MACROD2: variants seen among roughly 807,000 people sequenced by gnomAD.
MACROD2 encodes the protein mono-ADP ribosylhydrolase 2.
Under a neutral mutation model 70.4 loss-of-function variants are expected in MACROD2, and 36 were observed. That is an observed-to-expected ratio of 0.51 (90% CI 0.39 to 0.68). The LOEUF is 0.68. Ranked by LOEUF, MACROD2 falls within the 30% of genes least tolerant of loss-of-function variation. The probability of loss-of-function intolerance (pLI) is 0.00; values close to 1 mark genes in which losing one functional copy is unlikely to be tolerated. For synonymous variants in MACROD2, 172 were observed against 178.8 expected, an observed-to-expected ratio of 0.96 and a Z score of 0.30; for missense variants, 496 against 538.4, an observed-to-expected ratio of 0.92 and a Z score of 0.78.
chr20:14,078,446 C>T (rs966091303), intron 2 of MACROD2, among the ~76,000 whole-genome samples: 1 of 151,432 alleles, frequency 6.6e-6, no homozygotes, highest in Non-Finnish European at 1.5e-5. Flanking sequence ...CGCTCTTATC[C>T]CCCAGGCTGG....
intron 8 of MACROD2, among the ~76,000 whole-genome samples, chr20:15,536,330 T>A (rs534301183): frequency 6.6e-6 from 1 of 152,292 alleles, no homozygotes; most frequent in East Asian, 1.9e-4. Context: ...TTGGCACAAA[T>A]GAAGAGACCG....
At chr20:14,221,145 CACA>C (rs1336863688) in intron 3 of MACROD2, among the ~76,000 whole-genome samples, 1 of 152,176 alleles carries the variant, frequency 6.6e-6, no homozygotes, top group Non-Finnish European at 1.5e-5. Context: ...GCTGCCAAGC[CACA>C]ACAGTAACTT....
chr20:14,019,359 C>T (rs2053038266), intron 2 of MACROD2, among the ~76,000 whole-genome samples: 2 of 152,258 alleles, frequency 1.3e-5, no homozygotes, highest in African/African-American at 4.8e-5. Context: ...GCAACCTCTG[C>T]CTCCTGGGTT....
chr20:14,716,770 T>G (rs1459755643), intron 5 of MACROD2, among the ~76,000 whole-genome samples: 1 of 152,056 alleles, frequency 6.6e-6, no homozygotes, highest in African/African-American at 2.4e-5. Context: ...GATGAGGCAG[T>G]GTGTGAGGCT....
intron 8 of MACROD2, among the ~76,000 whole-genome samples, chr20:15,837,476 G>A (rs771303144): frequency 7.2e-5 from 11 of 152,056 alleles, no homozygotes; most frequent in African/African-American, 9.7e-5. Context: ...AGAACCCCTC[G>A]AGGGCTCTAC....
At chr20:15,730,268 G>C (rs1264437649) in intron 8 of MACROD2, among the ~76,000 whole-genome samples, 1 of 152,174 alleles carries the variant, frequency 6.6e-6, no homozygotes, top group African/African-American at 2.4e-5. Context: ...ATGCAGACTT[G>C]ATTGTATGGT....
chr20:14,490,103 C>G (rs2084778460), intron 3 of MACROD2, among the ~76,000 whole-genome samples: 2 of 152,012 alleles, frequency 1.3e-5, no homozygotes, highest in South Asian at 2.1e-4. Flanking sequence ...GCTAATTATT[C>G]CAGGAAAGGG....
chr20:14,913,767 C>A (rs895549578), intron 5 of MACROD2, among the ~76,000 whole-genome samples: 2 of 152,120 alleles, frequency 1.3e-5, no homozygotes, highest in African/African-American at 4.8e-5. Flanking sequence ...CCTACCCCGA[C>A]CCTATGTCAG....
chr20:15,127,137 A>G (rs1302639113), intron 5 of MACROD2, among the ~76,000 whole-genome samples: 1 of 152,114 alleles, frequency 6.6e-6, no homozygotes, highest in East Asian at 1.9e-4. Context: ...ACATCTTGGT[A>G]AAGCAGAAAA....
chr20:14,267,021 G>C (rs1381972718), intron 3 of MACROD2, among the ~76,000 whole-genome samples: 4 of 152,124 alleles, frequency 2.6e-5, no homozygotes, highest in Admixed American at 1.3e-4. Context: ...CTTTGGGCTA[G>C]CTAAAATATC....
chr20:15,473,967 C>T (rs2046990830), intron 7 of MACROD2, among the ~76,000 whole-genome samples: 1 of 152,194 alleles, frequency 6.6e-6, no homozygotes, highest in Non-Finnish European at 1.5e-5. Flanking sequence ...GTTCAGACTG[C>T]CTAGATTTGA....
At chr20:15,786,516 TG>T (rs2051930014) in intron 8 of MACROD2, among the ~76,000 whole-genome samples, 1 of 152,352 alleles carries the variant, frequency 6.6e-6, no homozygotes, top group East Asian at 1.9e-4. Context: ...AGAAGATAGT[TG>T]GCTATTGTCT....
At chr20:14,872,043 G>A (rs1259392964) in intron 5 of MACROD2, among the ~76,000 whole-genome samples, 1 of 152,112 alleles carries the variant, frequency 6.6e-6, no homozygotes. Flanking sequence ...AGACCACAGA[G>A]ATACTTAGAG....
At chr20:14,599,053 G>T (rs1008222098) in intron 4 of MACROD2, among the ~76,000 whole-genome samples, 3 of 152,106 alleles carry the variant, frequency 2.0e-5, no homozygotes, top group Admixed American at 6.5e-5. Flanking sequence ...GTTACCAAAA[G>T]GTGTCTGGGT....
At chr20:15,417,966 C>T (rs1184557122) in intron 6 of MACROD2, among the ~76,000 whole-genome samples, 3 of 152,094 alleles carry the variant, frequency 2.0e-5, no homozygotes, top group Non-Finnish European at 2.9e-5. Context: ...TCTCAAGGAC[C>T]GAGGATGCTC....
rs78270387 is a variant in MACROD2, at chr20:15,611,154, A to G, written c.645+111307A>G. Among the ~76,000 whole-genome samples the G allele has an allele frequency of 2.0e-5, 3 of 152,140 alleles. No individual in the cohort carries two copies. The East Asian group carries it at 5.8e-4, about 29-fold the overall frequency. On this transcript the variant is annotated intron_variant, in intron 8 of 17. Transcript: ENST00000684519. Reference sequence around the variant, plus strand: ...ACTGCTCATTCATGGAGAGCCTGCTATATGTATGTACCAGACACTGCACAT... The same window carrying G: ...ACTGCTCATTCATGGAGAGCCTGCTGTATGTATGTACCAGACACTGCACAT...
At chr20:14,132,805 ATTATTT>A (rs1459152242) in intron 3 of MACROD2, among the ~76,000 whole-genome samples, 1 of 151,826 alleles carries the variant, frequency 6.6e-6, no homozygotes, top group Non-Finnish European at 1.5e-5. Flanking sequence ...TGCCTGGCTA[ATTATTT>A]TTATTTTTAT....
intron 5 of MACROD2, among the ~76,000 whole-genome samples, chr20:15,107,283 A>G (rs772554564): frequency 1.3e-5 from 2 of 152,062 alleles, no homozygotes; most frequent in African/African-American, 2.4e-5. Flanking sequence ...TTTCTTAGCA[A>G]GCAACAAAAA....
intron 15 of MACROD2, among the ~76,000 whole-genome samples, chr20:15,998,984 G>A (rs377219345): frequency 3.3e-5 from 5 of 151,940 alleles, no homozygotes; most frequent in African/African-American, 7.2e-5. Context: ...AGAGATCAGA[G>A]ATTTCATGAG....
Sources: allele counts gnomAD v4.1 joint callset (sites outside exome capture counted in the v4.1 genomes callset), GRCh38; gene constraint gnomAD v4.1.1; transcripts MANE v1.5; gene names NCBI Gene and HGNC (gene_info 2026-07-23, HGNC 2026-07-21).